The following UBASH3B variants were observed in gnomAD, a reference collection of about 807,000 sequenced individuals.
UBASH3B encodes ubiquitin associated and SH3 domain containing B.
A neutral mutation model predicts 83.4 loss-of-function variants in UBASH3B; 37 were observed. The ratio of observed to expected loss-of-function variants is 0.44; its 90% CI spans 0.34 to 0.58. The LOEUF (loss-of-function observed/expected upper bound fraction) is 0.58, where lower values mean the gene tolerates loss of function less well. Ranked by LOEUF, UBASH3B falls within the 20% of genes least tolerant of loss-of-function variation. The pLI is 0.01. For synonymous variants in UBASH3B, 304 were observed against 318.3 expected (o/e 0.96, Z 0.48); for missense variants, 657 against 827.2 (o/e 0.79, Z 2.52).
In UBASH3B at chr11:122,758,005, C is replaced by T. The variant is rs1032888186; in HGVS notation, c.162-18214C>T. On this transcript the variant is annotated intron_variant, in intron 1 of 13. Coordinates refer to ENST00000284273, the MANE Select transcript of UBASH3B (RefSeq NM_032873.5). This position sits in a 1 kb window ranked among gnomAD's most constrained non-coding sequence, Gnocchi z 4.2. The stretch of plus-strand genomic sequence containing the variant: ...ACAGGCGTGAGCCACCGCACCAGGC[C>T]GACAAGACCTTCTTTAAACACTCAA... Among the ~76,000 whole-genome samples, 3 of 152,108 alleles carry T rather than the reference C, an allele frequency of 2.0e-5. No individual in the cohort carries two copies. The highest frequency in any genetic ancestry group is 4.4e-5 in the Non-Finnish European group (3 of 68,010).
At chr11:122,743,083 A>T (rs1374802334) in intron 1 of UBASH3B, among the ~76,000 whole-genome samples, 1 of 152,076 alleles carries the variant, frequency 6.6e-6, no homozygotes. Context: ...CCTTGTTGCC[A>T]TCAGTTTTTG....
At chr11:122,662,490 C>A (rs1253483229) in intron 1 of UBASH3B, among the ~76,000 whole-genome samples, 1 of 149,222 alleles carries the variant, frequency 6.7e-6, no homozygotes, top group Non-Finnish European at 1.5e-5. Flanking sequence ...TGCAATGCTG[C>A]GATCTCAGCT....
chr11:122,794,551 T>C (rs1861119636), intron 6 of UBASH3B, 151 bp from the exon 7 acceptor site: 1 of 967,452 alleles, frequency 1.0e-6, no homozygotes, highest in Non-Finnish European at 1.5e-6. Flanking sequence ...ATTTTTCCCT[T>C]AGGAATGAGG....
chr11:122,729,968 C>A (rs191957467), intron 1 of UBASH3B, among the ~76,000 whole-genome samples: 13 of 101,090 alleles, frequency 1.3e-4, no homozygotes, highest in East Asian at 8.3e-4. Context: ...CAGAGTGAGA[C>A]CCTATCTAAA....
intron 1 of UBASH3B, among the ~76,000 whole-genome samples, chr11:122,667,139 G>T (rs1863530526): frequency 6.7e-6 from 1 of 149,008 alleles, no homozygotes; most frequent in Admixed American, 6.8e-5. Context: ...TGCCTCCTGG[G>T]TTCAAGCGAT....
Position 122,792,856 on chromosome 11 carries a change from G to C in UBASH3B, c.981-1846G>C, listed in dbSNP as rs533393511. Among the ~76,000 whole-genome samples the C allele has an allele frequency of 5.3e-5, 8 of 152,284 alleles. No homozygotes were observed. In the South Asian group the frequency reaches 8.3e-4, roughly 16 times the overall value. ...ACTGAGTCACAATGTGTGAGGAGCA[G>C]AACCCCAGCACGAGTGTATTTTTTT... On this transcript the variant is annotated intron_variant, in intron 6 of 13. Transcript: ENST00000284273.
At chr11:122,752,427 C>T (rs1861214320) in intron 1 of UBASH3B, among the ~76,000 whole-genome samples, 1 of 152,172 alleles carries the variant, frequency 6.6e-6, no homozygotes, top group African/African-American at 2.4e-5. Context: ...CTCAAGGGAC[C>T]AGGTGCAATT....
chr11:122,784,044 G>A (rs1016884890), intron 5 of UBASH3B, among the ~76,000 whole-genome samples: 23 of 151,694 alleles, frequency 1.5e-4, no homozygotes, highest in Non-Finnish European at 3.2e-4. Context: ...GGGTTCAAGC[G>A]ATTCTCCTGC....
chr11:122,669,855 G>A (rs191230406), intron 1 of UBASH3B, among the ~76,000 whole-genome samples: 74 of 152,334 alleles, frequency 4.9e-4, no homozygotes, highest in Admixed American at 1.8e-3. Context: ...GAAAGTGGTA[G>A]AAACCAGGAT....
chr11:122,704,585 C>T (rs1783013611), intron 1 of UBASH3B, among the ~76,000 whole-genome samples: 1 of 151,994 alleles, frequency 6.6e-6, no homozygotes, highest in South Asian at 2.1e-4. Flanking sequence ...TCTCGGCTCA[C>T]TGCAACCTTT....
rs377243489 is a variant in UBASH3B at position 122,810,913 on chromosome 11, A to G, written c.*1027A>G. ...TGTACACTTACAGTACGTGTCAACC[A>G]TAATGGAACATCCACAAATGCATCA... On this transcript the variant is annotated 3_prime_UTR_variant, in exon 14 of 14. Transcript: ENST00000284273. 1 of 152,244 alleles carries G rather than the reference A, an allele frequency of 6.6e-6. No individual in the cohort carries two copies. Among genetic ancestry groups the G allele is most frequent in the East Asian group, 1.9e-4 (1 of 5,202 alleles). 9.4% of individuals were successfully genotyped at this position (152,244 alleles called of 1,614,324 possible). A position where few individuals can be genotyped will look rare whatever the true frequency, so the allele number is the denominator to read the frequency against.
rs1458249751 is a variant in UBASH3B at position 122,764,670 on chromosome 11, C to T, written c.162-11549C>T. Among the ~76,000 whole-genome samples, 9 of 152,170 alleles carry T rather than the reference C, an allele frequency of 5.9e-5. 1 individual carries two copies. The highest frequency in any genetic ancestry group is 1.5e-5 in the Non-Finnish European group (1 of 68,042). On this transcript the variant is annotated intron_variant, in intron 1 of 13. Coordinates refer to ENST00000284273, the MANE Select transcript of UBASH3B (RefSeq NM_032873.5). ...GGCCACTGGTAGCTGAAAGAGTGAC[C>T]GTATCAGAAACTGAAGTCTCAACTA... is the stretch of plus-strand genomic sequence containing the variant.
chr11:122,660,097 G>A (rs1050948745), intron 1 of UBASH3B, among the ~76,000 whole-genome samples: 1 of 152,190 alleles, frequency 6.6e-6, no homozygotes, highest in African/African-American at 2.4e-5. Context: ...GAGGACCAGA[G>A]GGCTGCAGGG....
chr11:122,737,788 T>A (rs954330347), intron 1 of UBASH3B, among the ~76,000 whole-genome samples: 1 of 150,806 alleles, frequency 6.6e-6, no homozygotes, highest in Non-Finnish European at 1.5e-5. Flanking sequence ...AAGGAATAGG[T>A]CAGGACGCCA....
rs139750327 is a variant in UBASH3B, at chr11:122,789,566, C to T, written c.980+258C>T. On this transcript the variant is annotated intron_variant, in intron 6 of 13. Coordinates refer to ENST00000284273, the MANE Select transcript of UBASH3B (RefSeq NM_032873.5). ...TAAACTGAGGTGGCTTGGGGTCCAT[C>T]TCTTCTGGCCGAAGAGTGGCATCAT... Among the ~76,000 whole-genome samples, 104 of 152,320 alleles carry T rather than the reference C, an allele frequency of 6.8e-4. 1 individual carries two copies. The East Asian group carries it at 0.017, about 25-fold the overall frequency.
At chr11:122,765,098 T>C (rs1489530829) in intron 1 of UBASH3B, among the ~76,000 whole-genome samples, 2 of 149,932 alleles carry the variant, frequency 1.3e-5, no homozygotes, top group Non-Finnish European at 3.0e-5. Flanking sequence ...TTTTTTTTTT[T>C]CATGTCTAGA....
intron 1 of UBASH3B, among the ~76,000 whole-genome samples, chr11:122,740,835 T>G (rs1304948263): frequency 6.6e-6 from 1 of 152,238 alleles, no homozygotes; most frequent in East Asian, 1.9e-4. Context: ...ATGTTCATTT[T>G]TTATAAAAAT....
chr11:122,699,567 TTC>T (rs1864014470), intron 1 of UBASH3B, among the ~76,000 whole-genome samples: 1 of 149,238 alleles, frequency 6.7e-6, no homozygotes, highest in Non-Finnish European at 1.5e-5. Flanking sequence ...CTTTCTTTCT[TTC>T]TTTCTTTTCT....
intron 1 of UBASH3B, among the ~76,000 whole-genome samples, chr11:122,657,523 A>G (rs1863380600): frequency 6.6e-6 from 1 of 152,156 alleles, no homozygotes; most frequent in African/African-American, 2.4e-5. Flanking sequence ...TCCTGACCTC[A>G]GGTGATCCAC....
Sources: gnomAD v4.1 joint callset for allele counts (sites outside exome capture counted in the v4.1 genomes callset) on GRCh38, gnomAD v4.1.1 for gene constraint, Gnocchi (gnomAD v3.1) non-coding constraint, MANE v1.5 for transcripts, NCBI Gene and HGNC (gene_info 2026-07-23, HGNC 2026-07-21) for gene names.